Variants in PRKG1 observed in about 807,000 individuals in gnomAD.
PRKG1 encodes the protein protein kinase cGMP-dependent 1.
In PRKG1, 35 loss-of-function variants were observed where a neutral mutation model predicts 88.1. The ratio of observed to expected loss-of-function variants is 0.40; its 90% CI spans 0.30 to 0.53. The LOEUF is 0.53. PRKG1 is among the 20% of genes least tolerant of loss of function. PRKG1 has a pLI of 0.59. For missense variants in PRKG1, 540 were observed against 839.8 expected (o/e 0.64, Z 4.41); for synonymous variants, 303 against 292.5 (o/e 1.04, Z -0.37).
chr10:51,631,272 G>A (rs1480381340), intron 3 of PRKG1, among the ~76,000 whole-genome samples: 1 of 152,170 alleles, frequency 6.6e-6, no homozygotes, highest in African/African-American at 2.4e-5. Context: ...GCTAGGGTTA[G>A]CTTGTGGGCT....
intron 3 of PRKG1, among the ~76,000 whole-genome samples, chr10:51,588,511 A>G (rs1838228440): frequency 2.0e-5 from 3 of 152,152 alleles, no homozygotes; most frequent in African/African-American, 7.2e-5. Flanking sequence ...TCTCAGTTTC[A>G]CTCAGGACGT....
At chr10:51,699,304 G>T in intron 3 of PRKG1, 1 of 1,614,036 alleles carries the variant, frequency 6.2e-7, no homozygotes, top group South Asian at 1.1e-5. Context: ...CTCTCCCACT[G>T]AACTCCCGCC....
intron 2 of PRKG1, among the ~76,000 whole-genome samples, chr10:51,330,826 T>C (rs187731421): frequency 6.6e-6 from 1 of 152,348 alleles, no homozygotes; most frequent in East Asian, 1.9e-4. Flanking sequence ...TGTTTAGTGA[T>C]ATGATATTTC....
chr10:52,182,899 A>G (rs1839080003), intron 9 of PRKG1, among the ~76,000 whole-genome samples: 1 of 152,152 alleles, frequency 6.6e-6, no homozygotes, highest in Non-Finnish European at 1.5e-5. Context: ...TACCTGTACA[A>G]GTATGGCACT....
chr10:51,724,989 C>T (rs1842098856), intron 3 of PRKG1, among the ~76,000 whole-genome samples: 1 of 149,474 alleles, frequency 6.7e-6, no homozygotes, highest in Non-Finnish European at 1.5e-5. Flanking sequence ...GGATTGCAGG[C>T]GTGAGCCACT....
chr10:52,200,002 C>G (rs1452623770), intron 9 of PRKG1, among the ~76,000 whole-genome samples: 6 of 152,140 alleles, frequency 3.9e-5, no homozygotes. Flanking sequence ...CATTTAATCC[C>G]TTGAGTTAGG....
At chr10:52,238,647 C>A (rs1025033628) in intron 9 of PRKG1, among the ~76,000 whole-genome samples, 8 of 149,212 alleles carry the variant, frequency 5.4e-5, no homozygotes, top group African/African-American at 1.7e-4. Context: ...GTTAGAATGG[C>A]AATCATTAAA....
In PRKG1 at chr10:51,994,757, C is replaced by G. The variant is rs372917844; in HGVS notation, c.763-59727C>G. On this transcript the variant is annotated intron_variant, in intron 5 of 17. Transcript: ENST00000373980. Reference sequence around the variant, plus strand: ...ATATATTTGAAACATGCCTGCTGAGCTTTTTTAATCTAAAGGGAAGGAAGT... The same window carrying G: ...ATATATTTGAAACATGCCTGCTGAGGTTTTTTAATCTAAAGGGAAGGAAGT... 2.0e-3 allele frequency among the ~76,000 whole-genome samples: 299 copies of G among 152,186 alleles called. 3 individuals carry two copies. The highest frequency in any genetic ancestry group is 6.5e-3 in the African/African-American group (268 of 41,522).
At chr10:51,088,434 T>A (rs575562750) in intron 1 of PRKG1, among the ~76,000 whole-genome samples, 1 of 151,840 alleles carries the variant, frequency 6.6e-6, no homozygotes, top group East Asian at 1.9e-4. Context: ...CAAATATTTG[T>A]TAAGGAACTA....
chr10:51,792,300 A>G (rs562446521), intron 3 of PRKG1, among the ~76,000 whole-genome samples: 1 of 152,196 alleles, frequency 6.6e-6, no homozygotes, highest in Admixed American at 6.5e-5. Flanking sequence ...ACAGAAATCT[A>G]CTTATTTCTT....
intron 5 of PRKG1, chr10:51,910,937 T>C (rs1230224065): frequency 3.3e-5 from 5 of 152,182 alleles, no homozygotes; most frequent in South Asian, 2.1e-4. Context: ...GTTAGAAAGA[T>C]AGTGAAAATG....
chr10:51,639,283 A>C (rs1839733963), intron 3 of PRKG1, among the ~76,000 whole-genome samples: 1 of 151,690 alleles, frequency 6.6e-6, no homozygotes, highest in Non-Finnish European at 1.5e-5. Flanking sequence ...AAATGCAAAA[A>C]ATTAGCCAGC....
intron 10 of PRKG1, among the ~76,000 whole-genome samples, chr10:52,270,461 G>A (rs1160104811): frequency 6.6e-6 from 1 of 152,000 alleles, no homozygotes; most frequent in Admixed American, 6.6e-5. Context: ...CAAAGACTTG[G>A]AACCAACCCA....
chr10:51,834,538 G>A (rs1448046793), intron 4 of PRKG1, among the ~76,000 whole-genome samples: 2 of 152,010 alleles, frequency 1.3e-5, no homozygotes, highest in African/African-American at 4.8e-5. Flanking sequence ...CTACTTGGAA[G>A]GCTGAGGTGG....
chr10:52,064,956 A>T (rs7908708), intron 7 of PRKG1, among the ~76,000 whole-genome samples: 2,068 of 152,270 alleles, frequency 0.014, 45 homozygotes, highest in African/African-American at 0.047. Context: ...GAGGTGGAAG[A>T]GTAGGTGGAG....
At chr10:51,237,584 CG>C (rs1425221251) in intron 2 of PRKG1, among the ~76,000 whole-genome samples, 2 of 152,188 alleles carry the variant, frequency 1.3e-5, no homozygotes, top group Admixed American at 1.3e-4. Flanking sequence ...CTGGCACCCA[CG>C]CTCAGAGCAG....
intron 1 of PRKG1, among the ~76,000 whole-genome samples, chr10:51,041,144 G>A (rs760863006): frequency 6.6e-6 from 1 of 151,994 alleles, no homozygotes; most frequent in Non-Finnish European, 1.5e-5. Flanking sequence ...TATCACTGAT[G>A]TTCATTCAAG....
chr10:52,145,118 AC>A (rs1292718197), intron 8 of PRKG1, among the ~76,000 whole-genome samples: 2 of 152,300 alleles, frequency 1.3e-5, no homozygotes, highest in African/African-American at 2.4e-5. Context: ...GTTTTGTTTT[AC>A]TTTTTACAAT....
intron 5 of PRKG1, chr10:51,908,475 G>A (rs1251758325): frequency 1.3e-5 from 2 of 152,080 alleles, no homozygotes; most frequent in African/African-American, 4.8e-5. Context: ...AGCCACTTAG[G>A]ACATTGCAAT....
Sources: allele counts gnomAD v4.1 joint callset (sites outside exome capture counted in the v4.1 genomes callset), GRCh38; gene constraint gnomAD v4.1.1; transcripts MANE v1.5; gene names NCBI Gene and HGNC (gene_info 2026-07-23, HGNC 2026-07-21).